The following FHIT variants were observed in gnomAD, a reference collection of about 807,000 sequenced individuals.
FHIT encodes the protein fragile histidine triad diadenosine triphosphatase.
FHIT carries 19 observed loss-of-function variants against 17.9 expected under a neutral mutation model. That is an observed-to-expected ratio of 1.06 (90% CI 0.74 to 1.56). FHIT has a LOEUF of 1.56. FHIT is among the 40% of genes most tolerant of loss of function. FHIT has a pLI of 0.00. For missense variants in FHIT, 248 were observed against 189.2 expected, an observed-to-expected ratio of 1.31 and a Z score of -1.82; for synonymous variants, 81 against 69.7, an observed-to-expected ratio of 1.16 and a Z score of -0.81.
chr3:60,504,987 G>C (rs1260692261), intron 5 of FHIT, among the ~76,000 whole-genome samples: 1 of 152,112 alleles, frequency 6.6e-6, no homozygotes, highest in Non-Finnish European at 1.5e-5. Flanking sequence ...AAACCAACAG[G>C]TCCCAGGGGA....
intron 4 of FHIT, among the ~76,000 whole-genome samples, chr3:60,729,578 C>T (rs2041987152): frequency 6.6e-6 from 1 of 152,114 alleles, no homozygotes; most frequent in Non-Finnish European, 1.5e-5. Context: ...TAGAAAATGT[C>T]AGGATTCATA....
intron 2 of FHIT, among the ~76,000 whole-genome samples, chr3:61,081,230 C>T (rs1041074241): frequency 2.0e-5 from 3 of 152,120 alleles, no homozygotes; most frequent in African/African-American, 7.2e-5. Flanking sequence ...CAGCTGTGCC[C>T]CACAACTTGG....
intron 2 of FHIT, among the ~76,000 whole-genome samples, chr3:61,163,668 G>C (rs980087242): frequency 1.3e-5 from 2 of 152,168 alleles, no homozygotes; most frequent in Non-Finnish European, 2.9e-5. Flanking sequence ...CAGAGATAAA[G>C]AGAAAAATCT....
intron 5 of FHIT, among the ~76,000 whole-genome samples, chr3:60,258,391 CT>C (rs1231417572): frequency 6.6e-6 from 1 of 152,104 alleles, no homozygotes; most frequent in African/African-American, 2.4e-5. Context: ...CCCACTTCCT[CT>C]TCTTCAAAAT....
At chr3:60,433,970 C>T (rs1443763101) in intron 5 of FHIT, among the ~76,000 whole-genome samples, 1 of 152,012 alleles carries the variant, frequency 6.6e-6, no homozygotes, top group Non-Finnish European at 1.5e-5. Context: ...GGTGTCCTAT[C>T]CAAGAAATTA....
At chr3:61,224,058 TG>T (rs901926730) in intron 1 of FHIT, among the ~76,000 whole-genome samples, 1 of 151,938 alleles carries the variant, frequency 6.6e-6, no homozygotes, top group Non-Finnish European at 1.5e-5. Flanking sequence ...CCCAAAAACG[TG>T]GATGTCAAGG....
chr3:61,199,279 C>A (rs961573016), intron 2 of FHIT, among the ~76,000 whole-genome samples: 8 of 152,146 alleles, frequency 5.3e-5, no homozygotes, highest in Non-Finnish European at 1.0e-4. Flanking sequence ...CAAAAGATTA[C>A]AAAGTTGTTA....
intron 5 of FHIT, among the ~76,000 whole-genome samples, chr3:60,387,880 G>C (rs1191680720): frequency 6.6e-6 from 1 of 152,106 alleles, no homozygotes; most frequent in Non-Finnish European, 1.5e-5. Flanking sequence ...CCCAGGGGCG[G>C]ATCCCACAGA....
intron 5 of FHIT, among the ~76,000 whole-genome samples, chr3:60,292,313 C>T (rs1490598806): frequency 6.6e-6 from 1 of 152,072 alleles, no homozygotes; most frequent in African/African-American, 2.4e-5. Context: ...TAAACCAAGA[C>T]CTATATTATA....
intron 4 of FHIT, among the ~76,000 whole-genome samples, chr3:60,707,450 A>G (rs540624402): frequency 1.3e-5 from 2 of 152,332 alleles, no homozygotes; most frequent in South Asian, 4.1e-4. Context: ...GATAAATTAT[A>G]AATGACTACA....
At chr3:60,442,952 G>A (rs1471826020) in intron 5 of FHIT, among the ~76,000 whole-genome samples, 1 of 152,060 alleles carries the variant, frequency 6.6e-6, no homozygotes, top group Non-Finnish European at 1.5e-5. Flanking sequence ...ATTTCATTGA[G>A]CAGTGGTGTG....
chr3:60,386,727 G>A (rs1026119316), intron 5 of FHIT, among the ~76,000 whole-genome samples: 1 of 152,198 alleles, frequency 6.6e-6, no homozygotes, highest in Admixed American at 6.6e-5. Context: ...CAAAAGAGCA[G>A]TACCTAACAA....
intron 5 of FHIT, among the ~76,000 whole-genome samples, chr3:60,470,084 A>G (rs1165535461): frequency 5.0e-5 from 4 of 80,806 alleles, no homozygotes; most frequent in Admixed American, 2.9e-4. Flanking sequence ...CTCTCTCCAG[A>G]GCTGCCTGAA....
chr3:60,523,456 A>G (rs1171458830), intron 5 of FHIT, among the ~76,000 whole-genome samples: 1 of 152,228 alleles, frequency 6.6e-6, no homozygotes, highest in Non-Finnish European at 1.5e-5. Flanking sequence ...TTATTATAGA[A>G]ATAATAAATC....
At chr3:60,189,256 G>T (rs901517234) in intron 5 of FHIT, among the ~76,000 whole-genome samples, 8 of 151,924 alleles carry the variant, frequency 5.3e-5, no homozygotes, top group African/African-American at 1.9e-4. Flanking sequence ...GGAAAGAGGA[G>T]AAAGAAAAGA....
chr3:59,909,238 T>G (rs961716994), intron 8 of FHIT, among the ~76,000 whole-genome samples: 3 of 152,094 alleles, frequency 2.0e-5, no homozygotes, highest in African/African-American at 7.2e-5. Context: ...TTCACCATGC[T>G]GGCCAGGCTG....
chr3:60,617,068 G>A (rs1260373707), intron 4 of FHIT: 1 of 217,006 alleles, frequency 4.6e-6, no homozygotes, highest in East Asian at 1.1e-4. Context: ...AGAAACGACA[G>A]CCTGGAGTTT....
intron 5 of FHIT, among the ~76,000 whole-genome samples, chr3:60,289,814 G>A (rs1707899433): frequency 1.8e-5 from 1 of 56,960 alleles, no homozygotes; most frequent in African/African-American, 7.1e-5. Flanking sequence ...AGCTGCTATG[G>A]TTTATTACAC....
At chr3:60,600,699 A>T (rs537536915) in intron 4 of FHIT, among the ~76,000 whole-genome samples, 11 of 152,322 alleles carry the variant, frequency 7.2e-5, no homozygotes, top group East Asian at 5.8e-4. Context: ...TACCCTAAAT[A>T]TGAAAAGGTA....
Sources: gnomAD v4.1 joint callset for allele counts (sites outside exome capture counted in the v4.1 genomes callset) on GRCh38, gnomAD v4.1.1 for gene constraint, MANE v1.5 for transcripts, NCBI Gene and HGNC (gene_info 2026-07-23, HGNC 2026-07-21) for gene names.